The following YPEL2 variants were observed in gnomAD, a reference collection of about 807,000 sequenced individuals.
YPEL2 encodes yippee like 2.
Under a neutral mutation model 19.1 loss-of-function variants are expected in YPEL2, and 2 were observed. That is an observed-to-expected ratio of 0.10 (90% confidence interval 0.04 to 0.33). YPEL2 has a LOEUF of 0.33. YPEL2 is among the 10% of genes least tolerant of loss of function. YPEL2 has a pLI of 1.00. For synonymous variants in YPEL2, 52 were observed against 50.0 expected, an observed-to-expected ratio of 1.04 and a Z score of -0.17; for missense variants, 66 against 140.7, an observed-to-expected ratio of 0.47 and a Z score of 2.68.
chr17:59,365,911 T>G (rs2047866418), intron 2 of YPEL2, among the ~76,000 whole-genome samples: 1 of 152,122 alleles, frequency 6.6e-6, no homozygotes, highest in Non-Finnish European at 1.5e-5. Context: ...CAGACTACAG[T>G]GATGTCAAGA....
At chr17:59,337,478 C>T (rs1327761429) in intron 1 of YPEL2, among the ~76,000 whole-genome samples, 1 of 152,062 alleles carries the variant, frequency 6.6e-6, no homozygotes, top group Non-Finnish European at 1.5e-5. Context: ...CGTGAGCCAC[C>T]GCGCCCGGCC....
intron 2 of YPEL2, among the ~76,000 whole-genome samples, chr17:59,368,747 G>A (rs1331917714): frequency 1.3e-5 from 2 of 152,174 alleles, no homozygotes; most frequent in Non-Finnish European, 2.9e-5. Context: ...GATGCTGTGA[G>A]GAGCTGCTAA....
chr17:59,372,871 GTGT>G (rs1429680608), intron 2 of YPEL2, among the ~76,000 whole-genome samples: 1 of 152,198 alleles, frequency 6.6e-6, no homozygotes, highest in Non-Finnish European at 1.5e-5. Flanking sequence ...ATACAGTGTA[GTGT>G]TGTTATTATT....
intron 1 of YPEL2, among the ~76,000 whole-genome samples, chr17:59,350,028 C>G (rs543465312): frequency 6.6e-6 from 1 of 152,204 alleles, no homozygotes; most frequent in East Asian, 1.9e-4. Context: ...CTAGTTTGTC[C>G]TGTACCAGTT....
At chr17:59,341,019 T>C (rs1261712101) in intron 1 of YPEL2, among the ~76,000 whole-genome samples, 2 of 148,696 alleles carry the variant, frequency 1.3e-5, no homozygotes, top group Non-Finnish European at 3.0e-5. Context: ...CCGGCTGTTT[T>C]GCGGAACTTT....
chr17:59,380,495 C>T (rs1303149486), intron 2 of YPEL2, among the ~76,000 whole-genome samples: 1 of 152,144 alleles, frequency 6.6e-6, no homozygotes, highest in East Asian at 1.9e-4. Flanking sequence ...GTCTCGAACT[C>T]CTGACCTCAA....
chr17:59,349,438 G>A (rs1462557449), intron 1 of YPEL2, among the ~76,000 whole-genome samples: 1 of 145,700 alleles, frequency 6.9e-6, no homozygotes, highest in Non-Finnish European at 1.5e-5. Context: ...AGGCTCAAGT[G>A]ATTCACCTGC....
At chr17:59,334,394 G>T (rs538730097) in intron 1 of YPEL2, among the ~76,000 whole-genome samples, 2 of 148,238 alleles carry the variant, frequency 1.3e-5, no homozygotes, top group Non-Finnish European at 3.0e-5. Flanking sequence ...TTTATTTGGG[G>T]GGGGGTGAGG....
chr17:59,346,498 G>T lies in YPEL2; in HGVS notation c.-195-6717G>T, dbSNP rs117342989. On this transcript the variant is annotated intron_variant, in intron 1 of 4. Transcript: ENST00000312655. Reference sequence around the variant, plus strand: ...GTTAGATGGAGTCTCGGGACGCAGAGTAAGTTCGCCTCCTTCCTCCTTGCT... The same window carrying T: ...GTTAGATGGAGTCTCGGGACGCAGATTAAGTTCGCCTCCTTCCTCCTTGCT... 1.9e-3 allele frequency among the ~76,000 whole-genome samples: 285 copies of T among 152,262 alleles called. 5 individuals carry two copies. In the East Asian group the frequency reaches 0.043, roughly 23 times the overall value.
chr17:59,401,427 CG>C lies in YPEL2; in HGVS notation c.*4239del, dbSNP rs1398851297. 12 of 152,636 alleles carry C rather than the reference CG, an allele frequency of 7.9e-5. No individual in the cohort carries two copies. Among genetic ancestry groups the C allele is most frequent in the African/African-American group, 2.4e-4 (10 of 41,454 alleles). 9.5% of individuals were successfully genotyped at this position (152,636 alleles called of 1,614,324 possible). A position where few individuals can be genotyped will look rare whatever the true frequency, so the allele number is the denominator to read the frequency against. ...GCGCATATGTTTTTGTATAACATTT[CG>C]GTGACAGTGGGAGTCGGTTCCCTTT... On this transcript the variant is annotated 3_prime_UTR_variant, in exon 5 of 5. Transcript: ENST00000312655.
chr17:59,375,789 A>G (rs188887203), intron 2 of YPEL2, among the ~76,000 whole-genome samples: 8 of 152,358 alleles, frequency 5.3e-5, no homozygotes, highest in East Asian at 1.9e-4. Context: ...CTAAGTCAAT[A>G]TGGAATCAGA....
intron 1 of YPEL2, among the ~76,000 whole-genome samples, chr17:59,348,080 T>C (rs893299210): frequency 3.3e-5 from 5 of 152,198 alleles, no homozygotes; most frequent in Non-Finnish European, 5.9e-5. Context: ...GTTGGTCTTA[T>C]TAGAGATAGG....
chr17:59,394,765 C>T (rs568904786), intron 4 of YPEL2, among the ~76,000 whole-genome samples: 3 of 152,304 alleles, frequency 2.0e-5, no homozygotes, highest in South Asian at 2.1e-4. Flanking sequence ...TGTAGCGAGC[C>T]GAGATCACGC....
In YPEL2 at chr17:59,331,776, C is replaced by T. The variant is rs1019749960; in HGVS notation, c.-244C>T. 6.6e-6 allele frequency: 1 copy of T among 152,126 alleles called. No individual in the cohort carries two copies. The highest frequency in any genetic ancestry group is 6.5e-5 in the Admixed American group (1 of 15,272). 9.4% of individuals were successfully genotyped at this position (152,126 alleles called of 1,614,324 possible). The stretch of plus-strand genomic sequence containing the variant: ...GGGCCGCGCTTCGCCGCTGCGCACC[C>T]CAGCGGAGCCAAGCCCCACGCTGGC... On this transcript the variant is annotated 5_prime_UTR_variant, in exon 1 of 5. Coordinates refer to ENST00000312655, the MANE Select transcript of YPEL2 (RefSeq NM_001005404.4).
At chr17:59,394,667 C>T (rs972907317) in intron 4 of YPEL2, among the ~76,000 whole-genome samples, 1 of 152,096 alleles carries the variant, frequency 6.6e-6, no homozygotes, top group Non-Finnish European at 1.5e-5. Flanking sequence ...CAGAGAGGCT[C>T]CTCACTTCCC....
chr17:59,338,148 CTG>C (rs1458977941), intron 1 of YPEL2, among the ~76,000 whole-genome samples: 1 of 152,186 alleles, frequency 6.6e-6, no homozygotes, highest in Non-Finnish European at 1.5e-5. Flanking sequence ...TGTGTCTAGA[CTG>C]AGTGGCTTTG....
intron 1 of YPEL2, among the ~76,000 whole-genome samples, chr17:59,349,090 C>T (rs918795104): frequency 2.9e-5 from 4 of 140,178 alleles, no homozygotes; most frequent in East Asian, 2.3e-4. Context: ...AGGAGAATGG[C>T]GTGAACCCGG....
chr17:59,353,486 G>A lies in YPEL2; in HGVS notation c.77G>A (p.Cys26Tyr). The change falls in exon 2 of 5, where the codon TGC becomes TAC. Residue 26 changes from cysteine (C) to tyrosine (Y), a missense_variant. By Grantham distance (194) the Cys-to-Tyr change is radical. Coordinates refer to ENST00000312655, the MANE Select transcript of YPEL2 (RefSeq NM_001005404.4). The surrounding 1 kb of genome is among the most constrained non-coding windows in gnomAD (Gnocchi z 4.8). ...SCHRTYSCIH[C>Y]RAHLANHDEL... ...CACCGGACCTACAGCTGCATTCACT[G>A]CAGAGCTCACTTGGCCAATCATGAT... 6.2e-7 allele frequency: 1 copy of A among 1,614,098 alleles called. No homozygotes were observed. The highest frequency in any genetic ancestry group is 8.5e-7 in the Non-Finnish European group (1 of 1,179,968).
At chr17:59,361,059 TG>T (rs2147943545) in intron 2 of YPEL2, among the ~76,000 whole-genome samples, 1 of 152,312 alleles carries the variant, frequency 6.6e-6, no homozygotes, top group East Asian at 1.9e-4. Context: ...CTCGACCTCC[TG>T]ACCTCAAGCA....
Sources: gnomAD v4.1 joint callset for allele counts (sites outside exome capture counted in the v4.1 genomes callset) on GRCh38, gnomAD v4.1.1 for gene constraint, Gnocchi (gnomAD v3.1) non-coding constraint, MANE v1.5 for transcripts, NCBI Gene and HGNC (gene_info 2026-07-23, HGNC 2026-07-21) for gene names.